Variants in ZFHX3 observed in about 807,000 individuals in gnomAD.
ZFHX3 encodes zinc finger homeobox protein 3.
ZFHX3 carries 42 observed loss-of-function variants against 279.1 expected under a neutral mutation model. The observed-to-expected ratio is 0.15, with a 90% CI of 0.12 to 0.19. The LOEUF is 0.19. Ranked by LOEUF, ZFHX3 falls within the 10% of genes least tolerant of loss-of-function variation. ZFHX3 has a pLI of 1.00. For missense variants in ZFHX3, 4,981 were observed against 4,754.0 expected, an observed-to-expected ratio of 1.05 and a Z score of -1.40; for synonymous variants, 2,293 against 1,957.8, an observed-to-expected ratio of 1.17 and a Z score of -4.52.
intron 2 of ZFHX3, chr16:73,608,942 C>T (rs1206248885): frequency 2.0e-5 from 3 of 152,200 alleles, no homozygotes; most frequent in Non-Finnish European, 4.4e-5. Context: ...TCTTTAGGTT[C>T]TATCTTCCGT....
At chr16:72,870,342 A>G (rs2038124760) in intron 4 of ZFHX3, among the ~76,000 whole-genome samples, 1 of 151,852 alleles carries the variant, frequency 6.6e-6, no homozygotes, top group East Asian at 1.9e-4. Flanking sequence ...CAGTGAGCCA[A>G]GATCTCGCCA....
At chr16:72,834,746 G>C (rs1358353199) in intron 4 of ZFHX3, among the ~76,000 whole-genome samples, 1 of 151,304 alleles carries the variant, frequency 6.6e-6, no homozygotes, top group South Asian at 2.1e-4. Context: ...ATTCAACCCC[G>C]CAACCTCACT....
intron 1 of ZFHX3, among the ~76,000 whole-genome samples, chr16:73,031,738 G>A (rs1567641920): frequency 6.6e-6 from 1 of 152,142 alleles, no homozygotes; most frequent in South Asian, 2.1e-4. Flanking sequence ...CGTGCAGGGC[G>A]GAAGATCCTC....
chr16:73,398,573 C>T (rs1429297380), intron 3 of ZFHX3, among the ~76,000 whole-genome samples: 1 of 152,166 alleles, frequency 6.6e-6, no homozygotes, highest in Non-Finnish European at 1.5e-5. Context: ...GCATTTATAA[C>T]ACAGAAACCA....
intron 2 of ZFHX3, among the ~76,000 whole-genome samples, chr16:73,545,459 A>G (rs1273279923): frequency 6.6e-6 from 1 of 152,164 alleles, no homozygotes; most frequent in Non-Finnish European, 1.5e-5. Context: ...TTGTGTTTAC[A>G]TTTCTAAGAC....
intron 2 of ZFHX3, among the ~76,000 whole-genome samples, chr16:72,954,235 T>C (rs1961136852): frequency 1.3e-5 from 2 of 152,154 alleles, no homozygotes; most frequent in South Asian, 4.1e-4. Context: ...CTAGGCATGG[T>C]GGCGCATGCC....
chr16:73,557,090 G>A lies in ZFHX3; in HGVS notation c.-1546-100832C>T, dbSNP rs1168821215. Among the ~76,000 whole-genome samples the A allele has an allele frequency of 2.0e-4, 11 of 55,756 alleles. 1 individual carries two copies. The highest frequency in any genetic ancestry group is 1.9e-3 in the East Asian group (4 of 2,070). The allele number at this position is 55,756 out of a possible 152,430, so 36.6% of individuals were successfully genotyped here. A position where few individuals can be genotyped will look rare whatever the true frequency, so the allele number is the denominator to read the frequency against. ...ACCCTGGGGGACAGAGCAAGACTCC[G>A]TCTCAAAAAAAAAAAAAAAAAAAAA... On this transcript the variant is annotated intron_variant, in intron 2 of 17. Coordinates refer to the ZFHX3 transcript ENST00000641206.
intron 7 of ZFHX3, among the ~76,000 whole-genome samples, chr16:73,108,677 G>T (rs915484820): frequency 6.6e-6 from 1 of 152,220 alleles, no homozygotes; most frequent in Non-Finnish European, 1.5e-5. Flanking sequence ...GCCCTGTGGA[G>T]TGCGGGGCAC....
At chr16:73,542,281 G>C (rs1454884484) in intron 2 of ZFHX3, among the ~76,000 whole-genome samples, 2 of 152,190 alleles carry the variant, frequency 1.3e-5, no homozygotes, top group Non-Finnish European at 2.9e-5. Context: ...CTGGGGCGGG[G>C]GCTGCACAGG....
intron 1 of ZFHX3, among the ~76,000 whole-genome samples, chr16:73,875,013 T>C (rs2029902717): frequency 6.6e-6 from 1 of 152,206 alleles, no homozygotes; most frequent in Non-Finnish European, 1.5e-5. Flanking sequence ...CAACTGCTAG[T>C]ACATGCTGCA....
intron 4 of ZFHX3, among the ~76,000 whole-genome samples, chr16:73,317,406 C>T (rs1375980053): frequency 1.3e-5 from 2 of 152,174 alleles, no homozygotes; most frequent in African/African-American, 4.8e-5. Flanking sequence ...GCCCTTCCCC[C>T]ACTCTAAGTT....
At chr16:73,878,183 C>T (rs781606338) in intron 1 of ZFHX3, among the ~76,000 whole-genome samples, 45 of 151,872 alleles carry the variant, frequency 3.0e-4, no homozygotes, top group Non-Finnish European at 5.7e-4. Flanking sequence ...CTGGTTCAAT[C>T]GATTGGTGCT....
At chr16:73,257,567 A>C (rs1337384062) in intron 4 of ZFHX3, among the ~76,000 whole-genome samples, 1 of 152,224 alleles carries the variant, frequency 6.6e-6, no homozygotes, top group East Asian at 1.9e-4. Flanking sequence ...AAGAGTGACT[A>C]GGTCTTTATG....
Position 73,608,539 on chromosome 16 carries a change from G to C in ZFHX3, c.-1547+71641C>G, listed in dbSNP as rs543420568. The C allele has an allele frequency of 1.4e-4, 21 of 152,224 alleles. No individual in the cohort carries two copies. The East Asian group carries it at 3.7e-3, about 27-fold the overall frequency. The allele number at this position is 152,224 out of a possible 1,614,324, so 9.4% of individuals were successfully genotyped here. On this transcript the variant is annotated intron_variant, in intron 2 of 17. Transcript: ENST00000641206. ...TAACAACAACATTGTTTTTTATCTT[G>C]ATGAAATTGAAAAAATTTCTCTGGA...
chr16:73,799,435 T>C (rs987437634), intron 1 of ZFHX3, among the ~76,000 whole-genome samples: 1 of 152,112 alleles, frequency 6.6e-6, no homozygotes, highest in African/African-American at 2.4e-5. Flanking sequence ...GCAGAGTGAA[T>C]TGAGGCAGGT....
intron 2 of ZFHX3, among the ~76,000 whole-genome samples, chr16:73,576,036 T>A (rs2051795942): frequency 6.6e-6 from 1 of 152,200 alleles, no homozygotes; most frequent in South Asian, 2.1e-4. Flanking sequence ...TGCCTCTTGA[T>A]ATTTTTCTTG....
intron 3 of ZFHX3, among the ~76,000 whole-genome samples, chr16:73,334,348 G>A (rs2015866101): frequency 1.3e-5 from 2 of 152,154 alleles, no homozygotes; most frequent in African/African-American, 4.8e-5. Context: ...GGGTTAAGGA[G>A]GAAGGGGATG....
At chr16:73,133,315 A>G (rs1440542068) in intron 6 of ZFHX3, among the ~76,000 whole-genome samples, 2 of 152,204 alleles carry the variant, frequency 1.3e-5, no homozygotes, top group African/African-American at 4.8e-5. Flanking sequence ...TGAAGTCAGG[A>G]GTTCAAGACC....
intron 9 of ZFHX3, chr16:72,790,556 A>C (rs1258550891): frequency 6.6e-6 from 1 of 152,236 alleles, no homozygotes; most frequent in Non-Finnish European, 1.5e-5. Context: ...GAAAAGAACA[A>C]GACTGCTTCA....
Sources: gnomAD v4.1 joint callset for allele counts (sites outside exome capture counted in the v4.1 genomes callset) on GRCh38, gnomAD v4.1.1 for gene constraint, MANE v1.5 for transcripts, NCBI Gene and HGNC (gene_info 2026-07-23, HGNC 2026-07-21) for gene names.